SLC4A10: variants seen among roughly 807,000 people sequenced by gnomAD.
SLC4A10 encodes the protein solute carrier family 4 member 10.
In SLC4A10, 42 loss-of-function variants were observed where a neutral mutation model predicts 137.7. The observed-to-expected ratio is 0.30, with a 90% confidence interval of 0.24 to 0.39. The LOEUF (loss-of-function observed/expected upper bound fraction) is 0.39, where lower values mean the gene tolerates loss of function less well. Among genes scored for constraint, SLC4A10 ranks in the 10% least tolerant of loss-of-function variants. The pLI, the probability that SLC4A10 is intolerant of heterozygous loss-of-function variation, is 1.00. For missense variants in SLC4A10, 925 were observed against 1,355.0 expected, an observed-to-expected ratio of 0.68 and a Z score of 4.98; for synonymous variants, 474 against 464.1, an observed-to-expected ratio of 1.02 and a Z score of -0.27.
chr2:161,781,368 T>G (rs1445767424), intron 2 of SLC4A10, among the ~76,000 whole-genome samples: 1 of 152,062 alleles, frequency 6.6e-6, no homozygotes, highest in African/African-American at 2.4e-5. Context: ...GTCCTTTAAT[T>G]CAGTACAATG....
chr2:161,774,442 G>A (rs931094151), intron 2 of SLC4A10, among the ~76,000 whole-genome samples: 2 of 151,822 alleles, frequency 1.3e-5, no homozygotes, highest in African/African-American at 4.8e-5. Context: ...GGATGTTACA[G>A]TGAACCACCA....
chr2:161,751,150 T>G (rs1261580256), intron 1 of SLC4A10, among the ~76,000 whole-genome samples: 4 of 151,814 alleles, frequency 2.6e-5, no homozygotes, highest in Non-Finnish European at 5.9e-5. Flanking sequence ...CGGTTGGATC[T>G]TGCTTATTTT....
At chr2:161,657,055 CATT>C (rs1334215135) in intron 1 of SLC4A10, among the ~76,000 whole-genome samples, 1 of 151,924 alleles carries the variant, frequency 6.6e-6, no homozygotes, top group African/African-American at 2.4e-5. Context: ...GCAAATCTAT[CATT>C]ATTAAAATGT....
At chr2:161,842,925 A>T (rs2059272725) in intron 4 of SLC4A10, among the ~76,000 whole-genome samples, 1 of 152,160 alleles carries the variant, frequency 6.6e-6, no homozygotes, top group Non-Finnish European at 1.5e-5. Context: ...GTTACAAGGA[A>T]CAGATGTTCC....
chr2:161,791,505 T>C (rs543528856), intron 2 of SLC4A10, among the ~76,000 whole-genome samples: 2 of 152,242 alleles, frequency 1.3e-5, no homozygotes, highest in East Asian at 3.9e-4. Context: ...TCAGGAAGAA[T>C]AGCTGATGGA....
Position 161,967,941 on chromosome 2 carries a change from C to CT in SLC4A10, c.3159+2776dup, listed in dbSNP as rs201833185. 2.3e-3 allele frequency among the ~76,000 whole-genome samples: 352 copies of CT among 150,236 alleles called. 1 individual carries two copies. The highest frequency in any genetic ancestry group is 8.0e-3 in the African/African-American group (330 of 41,028). On this transcript the variant is annotated intron_variant, in intron 23 of 26. Coordinates refer to ENST00000446997, the MANE Select transcript of SLC4A10 (RefSeq NM_001178015.2). ...TATCTAATTTTGCTTTATTTTTCTG[C>CT]TTTTTTTTGTTAACTGTCTTTACTG... is the stretch of plus-strand genomic sequence containing the variant.
intron 10 of SLC4A10, among the ~76,000 whole-genome samples, chr2:161,889,597 C>A (rs893239506): frequency 6.6e-6 from 1 of 151,944 alleles, no homozygotes; most frequent in Non-Finnish European, 1.5e-5. Flanking sequence ...TCCCTGATGG[C>A]AGTTTGTATT....
intron 1 of SLC4A10, among the ~76,000 whole-genome samples, chr2:161,764,960 T>C (rs977230789): frequency 7.9e-5 from 12 of 152,166 alleles, no homozygotes; most frequent in Non-Finnish European, 7.4e-5. Flanking sequence ...TAGAAGCCTA[T>C]GTAAATGGAC....
chr2:161,833,799 C>G (rs1016996769), intron 3 of SLC4A10, among the ~76,000 whole-genome samples: 2 of 152,162 alleles, frequency 1.3e-5, no homozygotes, highest in African/African-American at 4.8e-5. Context: ...TTCCACATTT[C>G]CTATCATCCA....
intron 23 of SLC4A10, among the ~76,000 whole-genome samples, chr2:161,965,500 A>G (rs908309642): frequency 2.4e-4 from 37 of 152,178 alleles, no homozygotes; most frequent in Admixed American, 2.0e-3. Context: ...CTATTTCCAA[A>G]TTATGATCAT....
intron 3 of SLC4A10, among the ~76,000 whole-genome samples, chr2:161,836,569 AAAGAAAGAAAG>A: frequency 7.6e-6 from 1 of 132,210 alleles, no homozygotes; most frequent in African/African-American, 3.0e-5. Flanking sequence ...AGAAAGAAAG[AAAGAAAGAAAG>A]AAAGAAAGAA....
At chr2:161,875,157 G>C (rs1212547427) in intron 8 of SLC4A10, among the ~76,000 whole-genome samples, 1 of 152,032 alleles carries the variant, frequency 6.6e-6, no homozygotes, top group Admixed American at 6.5e-5. Flanking sequence ...AGTCTGAGAG[G>C]GCAGAAAAGT....
intron 1 of SLC4A10, among the ~76,000 whole-genome samples, chr2:161,749,081 T>A (rs1250661574): frequency 1.3e-5 from 2 of 152,072 alleles, no homozygotes; most frequent in Non-Finnish European, 2.9e-5. Flanking sequence ...TCAGATAGAT[T>A]GTTTTTAGTG....
rs140982690 is a variant in SLC4A10, at chr2:161,750,112, G to A, written c.49-20861G>A. On this transcript the variant is annotated intron_variant, in intron 1 of 26. Coordinates refer to ENST00000446997, the MANE Select transcript of SLC4A10 (RefSeq NM_001178015.2). ...TTATAATGTCTTCTCTTTCATTTCTGACTGTATTTATTTGAGTCTTCTCTC... is the reference window on the plus strand; with the variant it reads ...TTATAATGTCTTCTCTTTCATTTCTAACTGTATTTATTTGAGTCTTCTCTC... Among the ~76,000 whole-genome samples, 61 of 151,458 alleles carry A rather than the reference G, an allele frequency of 4.0e-4. No homozygotes were observed. In the East Asian group the frequency reaches 9.1e-3, roughly 23 times the overall value.
intron 4 of SLC4A10, among the ~76,000 whole-genome samples, chr2:161,841,983 T>A (rs2059214264): frequency 6.6e-6 from 1 of 152,192 alleles, no homozygotes; most frequent in Non-Finnish European, 1.5e-5. Context: ...CTTCATATAT[T>A]TGGAACATTT....
At position 161,662,713 on chromosome 2, in the gene SLC4A10, C is replaced by T. The variant is rs375865789; in HGVS notation, c.48+38147C>T. Among the ~76,000 whole-genome samples, 209 of 152,256 alleles carry T rather than the reference C, an allele frequency of 1.4e-3. 5 individuals carry two copies. The South Asian group carries it at 0.043, about 31-fold the overall frequency. On this transcript the variant is annotated intron_variant, in intron 1 of 26. Coordinates refer to ENST00000446997, the MANE Select transcript of SLC4A10 (RefSeq NM_001178015.2). ...TATATTTATAAATTTACCTCTAGGC[C>T]TTAGTACCTCCATATTCCAAAGCTT... is the stretch of plus-strand genomic sequence containing the variant.
intron 1 of SLC4A10, among the ~76,000 whole-genome samples, chr2:161,701,545 C>T (rs1044719210): frequency 3.9e-5 from 6 of 152,034 alleles, no homozygotes; most frequent in African/African-American, 1.4e-4. Context: ...GGATATCCAT[C>T]ACCTCAAACA....
intron 2 of SLC4A10, among the ~76,000 whole-genome samples, chr2:161,780,394 C>A (rs1270171524): frequency 6.6e-6 from 1 of 151,908 alleles, no homozygotes; most frequent in East Asian, 1.9e-4. Context: ...AGACTTCAAC[C>A]AATGTACATT....
chr2:161,860,333 G>A (rs181701529), intron 5 of SLC4A10, among the ~76,000 whole-genome samples: 2 of 152,094 alleles, frequency 1.3e-5, no homozygotes, highest in East Asian at 1.9e-4. Flanking sequence ...TTTAGTGTTC[G>A]AGCCTGGAAA....
Sources: allele counts gnomAD v4.1 joint callset (sites outside exome capture counted in the v4.1 genomes callset), GRCh38; gene constraint gnomAD v4.1.1; transcripts MANE v1.5; gene names NCBI Gene and HGNC (gene_info 2026-07-23, HGNC 2026-07-21).